CHST11: variants seen among roughly 807,000 people sequenced by gnomAD.
The protein encoded by CHST11 is C4S-1.
A neutral mutation model predicts 30.4 loss-of-function variants in CHST11; 9 were observed. The ratio of observed to expected loss-of-function variants is 0.30; its 90% CI spans 0.18 to 0.52. The LOEUF is 0.52. CHST11 is among the 20% of genes least tolerant of loss of function. The pLI is 0.97. For synonymous variants in CHST11, 152 were observed against 187.8 expected, an observed-to-expected ratio of 0.81 and a Z score of 1.56; for missense variants, 348 against 460.6, an observed-to-expected ratio of 0.76 and a Z score of 2.24.
chr12:104,713,459 C>T (rs2040104343), intron 2 of CHST11, among the ~76,000 whole-genome samples: 4 of 152,106 alleles, frequency 2.6e-5, no homozygotes, highest in Admixed American at 2.6e-4. Flanking sequence ...CCTGCAAAAT[C>T]CAGGTGGGAA....
At chr12:104,597,675 C>A (rs557271431) in intron 1 of CHST11, among the ~76,000 whole-genome samples, 1 of 152,288 alleles carries the variant, frequency 6.6e-6, no homozygotes, top group East Asian at 1.9e-4. Flanking sequence ...CAGTGCCTGG[C>A]GAGTTGCCCT....
At chr12:104,619,481 C>T (rs1256193773) in intron 2 of CHST11, among the ~76,000 whole-genome samples, 1 of 152,180 alleles carries the variant, frequency 6.6e-6, no homozygotes, top group Non-Finnish European at 1.5e-5. Context: ...TCAATTCACT[C>T]TTCTCGTCAG....
intron 1 of CHST11, among the ~76,000 whole-genome samples, chr12:104,490,307 C>T (rs1043009912): frequency 6.6e-6 from 1 of 152,186 alleles, no homozygotes; most frequent in African/African-American, 2.4e-5. Flanking sequence ...AGATGGCAGA[C>T]GTGCTATTAG....
At chr12:104,633,391 C>T (rs1279280337) in intron 2 of CHST11, among the ~76,000 whole-genome samples, 1 of 149,906 alleles carries the variant, frequency 6.7e-6, no homozygotes, top group African/African-American at 2.5e-5. Flanking sequence ...GAAAGAACTG[C>T]ATGTGCTCCT....
At chr12:104,536,386 C>G (rs759424909) in intron 1 of CHST11, among the ~76,000 whole-genome samples, 11 of 152,234 alleles carry the variant, frequency 7.2e-5, no homozygotes, top group Non-Finnish European at 1.5e-4. Flanking sequence ...ACTTCCTACT[C>G]AATGTGTGGT....
At chr12:104,554,028 G>T (rs1207469021) in intron 1 of CHST11, among the ~76,000 whole-genome samples, 1 of 152,122 alleles carries the variant, frequency 6.6e-6, no homozygotes, top group Non-Finnish European at 1.5e-5. Context: ...TGCCATGTTG[G>T]TGTCTCTGGT....
intron 2 of CHST11, among the ~76,000 whole-genome samples, chr12:104,754,467 A>G (rs936443693): frequency 6.6e-6 from 1 of 152,196 alleles, no homozygotes; most frequent in Admixed American, 6.5e-5. Flanking sequence ...TTCATCCTCC[A>G]GGAGGCTGGA....
At chr12:104,632,819 C>G (rs528810120) in intron 2 of CHST11, among the ~76,000 whole-genome samples, 24 of 152,346 alleles carry the variant, frequency 1.6e-4, no homozygotes, top group Admixed American at 1.3e-3. Flanking sequence ...GAGGAGCCCA[C>G]AGACACCACA....
At chr12:104,514,236 A>G in intron 1 of CHST11, 1 of 874,338 alleles carries the variant, frequency 1.1e-6, no homozygotes, top group Non-Finnish European at 2.0e-6. Flanking sequence ...AGCCAAGTTT[A>G]TTGGTGTTGG....
At chr12:104,664,854 T>C (rs2039628745) in intron 2 of CHST11, among the ~76,000 whole-genome samples, 1 of 152,242 alleles carries the variant, frequency 6.6e-6, no homozygotes, top group Admixed American at 6.5e-5. Context: ...GTCACCAATG[T>C]AGGCCCATTT....
intron 1 of CHST11, among the ~76,000 whole-genome samples, chr12:104,534,842 A>G (rs558199189): frequency 2.6e-5 from 4 of 152,190 alleles, no homozygotes; most frequent in Non-Finnish European, 5.9e-5. Flanking sequence ...TAAGGGCTAG[A>G]AATCTTTTTA....
intron 1 of CHST11, among the ~76,000 whole-genome samples, chr12:104,542,946 G>T (rs1404046657): frequency 6.6e-6 from 1 of 152,190 alleles, no homozygotes; most frequent in Non-Finnish European, 1.5e-5. Context: ...GTTGACAGGG[G>T]ACAGTGGCAA....
chr12:104,682,899 C>A (rs2039811754), intron 2 of CHST11, among the ~76,000 whole-genome samples: 1 of 152,246 alleles, frequency 6.6e-6, no homozygotes, highest in Non-Finnish European at 1.5e-5. Flanking sequence ...CCACCGATCA[C>A]CAAGTACCAA....
intron 2 of CHST11, among the ~76,000 whole-genome samples, chr12:104,713,817 C>G (rs985482915): frequency 7.2e-5 from 11 of 152,196 alleles, no homozygotes; most frequent in African/African-American, 2.7e-4. Flanking sequence ...CAGGCCAGCT[C>G]CTATGGATGA....
At position 104,757,914 on chromosome 12, in the gene CHST11, A is replaced by G. The variant is rs1202975577; in HGVS notation, c.*111A>G. ...GTAAATTAATATTTCTTTGGGGATGATGCTGCGAGCAGCATAGTGAGAATT... is the reference window on the plus strand; with the variant it reads ...GTAAATTAATATTTCTTTGGGGATGGTGCTGCGAGCAGCATAGTGAGAATT... On this transcript the variant is annotated 3_prime_UTR_variant, in exon 3 of 3. Coordinates refer to ENST00000303694, the MANE Select transcript of CHST11 (RefSeq NM_018413.6). The surrounding 1 kb of genome is among the most constrained non-coding windows in gnomAD (Gnocchi z 6.5). 1 of 1,158,014 alleles carries G rather than the reference A, an allele frequency of 8.6e-7. No individual in the cohort carries two copies. The highest frequency in any genetic ancestry group is 1.2e-6 in the Non-Finnish European group (1 of 832,814). The allele number at this position is 1,158,014 out of a possible 1,614,324, so 71.7% of individuals were successfully genotyped here. A position where few individuals can be genotyped will look rare whatever the true frequency, so the allele number is the denominator to read the frequency against.
chr12:104,475,486 G>C (rs1565954695), intron 1 of CHST11, among the ~76,000 whole-genome samples: 1 of 151,402 alleles, frequency 6.6e-6, no homozygotes, highest in Non-Finnish European at 1.5e-5. Context: ...TTTGTGCCAG[G>C]ACTGTTCCTG....
intron 2 of CHST11, among the ~76,000 whole-genome samples, chr12:104,661,406 A>G (rs2039597425): frequency 6.6e-6 from 1 of 151,934 alleles, no homozygotes; most frequent in Non-Finnish European, 1.5e-5. Flanking sequence ...TACTACTACT[A>G]ATAATAATAA....
At chr12:104,734,886 T>C (rs921479701) in intron 2 of CHST11, among the ~76,000 whole-genome samples, 1 of 152,258 alleles carries the variant, frequency 6.6e-6, no homozygotes, top group African/African-American at 2.4e-5. Context: ...TGCGTTTATC[T>C]GATAAATAAC....
chr12:104,737,138 G>T (rs571796890), intron 2 of CHST11, among the ~76,000 whole-genome samples: 1 of 152,224 alleles, frequency 6.6e-6, no homozygotes, highest in Non-Finnish European at 1.5e-5. Context: ...AGAACTTCCC[G>T]ACTAAGAACT....
Sources: gnomAD v4.1 joint callset for allele counts (sites outside exome capture counted in the v4.1 genomes callset) on GRCh38, gnomAD v4.1.1 for gene constraint, Gnocchi (gnomAD v3.1) non-coding constraint, MANE v1.5 for transcripts, NCBI Gene and HGNC (gene_info 2026-07-23, HGNC 2026-07-21) for gene names.